DAB2IP: variants seen among roughly 807,000 people sequenced by gnomAD.
The protein encoded by DAB2IP is DAB2 interacting protein.
In DAB2IP, 28 loss-of-function variants were observed where a neutral mutation model predicts 107.2. The observed-to-expected ratio is 0.26, with a 90% CI of 0.19 to 0.36. The LOEUF (loss-of-function observed/expected upper bound fraction) is 0.36, where lower values mean the gene tolerates loss of function less well. Among genes scored for constraint, DAB2IP ranks in the 10% least tolerant of loss-of-function variants. The pLI is 1.00. For synonymous variants in DAB2IP, 755 were observed against 706.4 expected (o/e 1.07, Z -1.09); for missense variants, 1,400 against 1,644.7 (o/e 0.85, Z 2.57).
chr9:121,571,874 C>T (rs1192875804), intron 1 of DAB2IP, among the ~76,000 whole-genome samples: 1 of 152,032 alleles, frequency 6.6e-6, no homozygotes, highest in Non-Finnish European at 1.5e-5. Flanking sequence ...TTTTACAGGA[C>T]AGTCAGAGGC....
chr9:121,615,169 G>A (rs1235546337), intron 1 of DAB2IP, among the ~76,000 whole-genome samples: 1 of 152,182 alleles, frequency 6.6e-6, no homozygotes, highest in Non-Finnish European at 1.5e-5. Flanking sequence ...ATGTTCCATG[G>A]AATGGTAACC....
chr9:121,734,352 C>G (rs1831738538), intron 3 of DAB2IP, among the ~76,000 whole-genome samples: 1 of 151,006 alleles, frequency 6.6e-6, no homozygotes, highest in Admixed American at 6.6e-5. Context: ...AGTCCGCAGT[C>G]CGGCCTGGGC....
At chr9:121,766,500 C>G in exon 9 of DAB2IP, 1 of 1,605,752 alleles carries the variant, frequency 6.2e-7, no homozygotes, top group Non-Finnish European at 8.5e-7. Context: ...ACAGTGTCTT[C>G]CCACGGGAGT....
intron 8 of DAB2IP, among the ~76,000 whole-genome samples, chr9:121,765,984 A>G (rs1285464172): frequency 6.7e-6 from 1 of 150,280 alleles, no homozygotes; most frequent in Non-Finnish European, 1.5e-5. Flanking sequence ...TTCCTGTGAC[A>G]TTATTCAAGC....
In DAB2IP at chr9:121,736,327, C is replaced by CGGGGCCGGT. The variant is rs1233877112; in HGVS notation, c.363-20681_363-20673dup. On this transcript the variant is annotated intron_variant, in intron 3 of 15. Coordinates refer to ENST00000408936, the Ensembl canonical transcript of DAB2IP. This position sits in a 1 kb window ranked among gnomAD's most constrained non-coding sequence, Gnocchi z 4.6. ...GGGCCGCGGGCAAGTGAGGGGCTGG[C>CGGGGCCGGT]GGGGCCGGTGGGGACCCAGACTCGC... 2.6e-5 allele frequency among the ~76,000 whole-genome samples: 4 copies of CGGGGCCGGT among 152,218 alleles called. No individual in the cohort carries two copies. The highest frequency in any genetic ancestry group is 3.9e-4 in the East Asian group (2 of 5,170).
chr9:121,617,757 G>T (rs1412779592), intron 1 of DAB2IP, among the ~76,000 whole-genome samples: 2 of 152,220 alleles, frequency 1.3e-5, no homozygotes, highest in African/African-American at 4.8e-5. Flanking sequence ...TTAACAGTGG[G>T]GCAAGGCCTC....
At chr9:121,657,482 CATCTCAGTTCTCCA>C (rs1367764989) in intron 1 of DAB2IP, among the ~76,000 whole-genome samples, 1 of 152,234 alleles carries the variant, frequency 6.6e-6, no homozygotes, top group Admixed American at 6.5e-5. Context: ...CCTCATGTCT[CATCTCAGTTCTCCA>C]ATCCTCCTAG....
At chr9:121,595,208 T>A (rs2118938141) in intron 1 of DAB2IP, among the ~76,000 whole-genome samples, 1 of 152,138 alleles carries the variant, frequency 6.6e-6, no homozygotes, top group East Asian at 1.9e-4. Context: ...GACTGGGTTT[T>A]ATGTGGCCTC....
rs1830157617 is a variant in DAB2IP, at chr9:121,580,095, C to T, written c.40+12867C>T. 2.6e-5 allele frequency among the ~76,000 whole-genome samples: 4 copies of T among 152,094 alleles called. No homozygotes were observed. In the South Asian group the frequency reaches 8.3e-4, roughly 32 times the overall value. On this transcript the variant is annotated intron_variant, in intron 1 of 16. Transcript: ENST00000259371. ...ATAAACCCCTCCTCCTTTTTTCCCTCCTCCCCTGCCCCACCAGGTGACTCT... is the reference window on the plus strand; with the variant it reads ...ATAAACCCCTCCTCCTTTTTTCCCTTCTCCCCTGCCCCACCAGGTGACTCT...
intron 1 of DAB2IP, among the ~76,000 whole-genome samples, chr9:121,673,907 G>A (rs139759916): frequency 2.5e-4 from 38 of 152,332 alleles, no homozygotes; most frequent in Non-Finnish European, 4.1e-4. Context: ...TGACTCCCAG[G>A]CAGTTGAGCT....
chr9:121,630,810 G>A (rs371095506), intron 1 of DAB2IP, among the ~76,000 whole-genome samples: 1 of 152,164 alleles, frequency 6.6e-6, no homozygotes, highest in African/African-American at 2.4e-5. Context: ...GTTTCACCAT[G>A]TTGGCCAGGC....
chr9:121,773,857 G>A (rs1302481192), intron 12 of DAB2IP, among the ~76,000 whole-genome samples: 3 of 152,166 alleles, frequency 2.0e-5, no homozygotes, highest in Non-Finnish European at 2.9e-5. Context: ...GGCTGGACAG[G>A]CCTTCAGGCA....
intron 3 of DAB2IP, among the ~76,000 whole-genome samples, chr9:121,733,049 A>G (rs1235629318): frequency 6.6e-6 from 1 of 152,172 alleles, no homozygotes; most frequent in Non-Finnish European, 1.5e-5. Flanking sequence ...TCTCACCTTC[A>G]GCTAAGTACA....
intron 1 of DAB2IP, among the ~76,000 whole-genome samples, chr9:121,636,723 C>A (rs1452143259): frequency 6.6e-6 from 1 of 152,226 alleles, no homozygotes; most frequent in East Asian, 1.9e-4. Context: ...CCGCCAGTCC[C>A]ATGTCAGCCT....
chr9:121,577,349 C>T (rs905834254), intron 1 of DAB2IP, among the ~76,000 whole-genome samples: 11 of 152,184 alleles, frequency 7.2e-5, no homozygotes, highest in Non-Finnish European at 1.6e-4. Context: ...ATGGCCGGAT[C>T]GCCAGCACCC....
chr9:121,615,372 G>A (rs1188212698), intron 1 of DAB2IP, among the ~76,000 whole-genome samples: 3 of 152,182 alleles, frequency 2.0e-5, no homozygotes, highest in African/African-American at 7.2e-5. Context: ...TTCTTGGAAT[G>A]CCTATTGATA....
At chr9:121,612,306 A>G (rs1299687406) in intron 1 of DAB2IP, among the ~76,000 whole-genome samples, 1 of 152,046 alleles carries the variant, frequency 6.6e-6, no homozygotes, top group East Asian at 1.9e-4. Flanking sequence ...CCACTTTGGT[A>G]GCAGAGTGAG....
At chr9:121,764,908 C>T (rs1319693824) in intron 8 of DAB2IP, among the ~76,000 whole-genome samples, 1 of 152,218 alleles carries the variant, frequency 6.6e-6, no homozygotes, top group Admixed American at 6.5e-5. Context: ...AATGCTGGGG[C>T]ACCCTGGGGG....
chr9:121,676,772 T>G (rs994869576), intron 1 of DAB2IP, among the ~76,000 whole-genome samples: 6 of 152,132 alleles, frequency 3.9e-5, no homozygotes, highest in Non-Finnish European at 7.4e-5. Context: ...ACCCAGGACC[T>G]CCTCCAGGGC....
Sources: gnomAD v4.1 joint callset for allele counts (sites outside exome capture counted in the v4.1 genomes callset) on GRCh38, gnomAD v4.1.1 for gene constraint, Gnocchi (gnomAD v3.1) non-coding constraint, MANE v1.5 for transcripts, NCBI Gene and HGNC (gene_info 2026-07-23, HGNC 2026-07-21) for gene names.